TDRP: variants seen among roughly 807,000 people sequenced by gnomAD.
TDRP encodes testis development-related protein.
In TDRP, 12 loss-of-function variants were observed where a neutral mutation model predicts 10.5. The observed-to-expected ratio is 1.15, with a 90% CI of 0.73 to 1.86. TDRP has a LOEUF of 1.86. Among genes scored for constraint, TDRP ranks in the 40% most tolerant of loss-of-function variants. The pLI is 0.00. For synonymous variants in TDRP, 139 were observed against 95.4 expected (o/e 1.46, Z -2.67); for missense variants, 353 against 229.2 (o/e 1.54, Z -3.49).
intron 1 of TDRP, among the ~76,000 whole-genome samples, chr8:534,719 T>C (rs1347819423): frequency 6.6e-6 from 1 of 152,198 alleles, no homozygotes; most frequent in Non-Finnish European, 1.5e-5. Context: ...GCTCTGCAAG[T>C]TGTGGACGAC....
At chr8:511,248 A>C (rs866736234) in intron 1 of TDRP, among the ~76,000 whole-genome samples, 1 of 152,222 alleles carries the variant, frequency 6.6e-6, no homozygotes. Flanking sequence ...CACACTTTAG[A>C]ATCAAAGATA....
intron 1 of TDRP, among the ~76,000 whole-genome samples, chr8:542,294 G>A (rs1275278329): frequency 1.3e-5 from 2 of 152,154 alleles, no homozygotes; most frequent in East Asian, 3.9e-4. Context: ...AAACTCCTGT[G>A]TGTGACACTA....
intron 1 of TDRP, among the ~76,000 whole-genome samples, chr8:544,257 G>A (rs867612084): frequency 1.3e-5 from 2 of 151,954 alleles, no homozygotes; most frequent in Non-Finnish European, 2.9e-5. Context: ...CACCCGGCGT[G>A]GACCTCTGCG....
At chr8:524,866 T>C (rs1052591718) in intron 1 of TDRP, among the ~76,000 whole-genome samples, 2 of 151,872 alleles carry the variant, frequency 1.3e-5, no homozygotes, top group East Asian at 3.9e-4. Flanking sequence ...AAACAAGAAG[T>C]AGAGAACGAG....
intron 1 of TDRP, among the ~76,000 whole-genome samples, chr8:543,276 G>A (rs1802548749): frequency 6.6e-6 from 1 of 152,108 alleles, no homozygotes. Flanking sequence ...TTGCGCCACT[G>A]CACTCCAGCC....
At chr8:502,955 G>C (rs572243176) in intron 1 of TDRP, among the ~76,000 whole-genome samples, 1 of 151,618 alleles carries the variant, frequency 6.6e-6, no homozygotes, top group African/African-American at 2.4e-5. Flanking sequence ...CCACACACTG[G>C]AACCAATGCC....
chr8:526,126 T>G (rs1406657478), intron 1 of TDRP, among the ~76,000 whole-genome samples: 1 of 152,216 alleles, frequency 6.6e-6, no homozygotes, highest in African/African-American at 2.4e-5. Context: ...AGTGAGCCTT[T>G]GAATTTCTGC....
intron 1 of TDRP, among the ~76,000 whole-genome samples, chr8:527,643 C>T (rs1802068039): frequency 6.6e-6 from 1 of 152,086 alleles, no homozygotes; most frequent in African/African-American, 2.4e-5. Flanking sequence ...ATACCAAGAA[C>T]ATACATTGGG....
intron 1 of TDRP, among the ~76,000 whole-genome samples, chr8:528,877 T>TTA (rs1215127822): frequency 6.6e-6 from 1 of 152,000 alleles, no homozygotes; most frequent in African/African-American, 2.4e-5. Context: ...GGGAATTTAT[T>TTA]AAGTAGTATT....
At chr8:513,294 T>TA (rs1433339739) in intron 1 of TDRP, among the ~76,000 whole-genome samples, 4 of 151,748 alleles carry the variant, frequency 2.6e-5, no homozygotes, top group Non-Finnish European at 5.9e-5. Flanking sequence ...CCAAAAACAT[T>TA]AAAAAATGAA....
intron 1 of TDRP, among the ~76,000 whole-genome samples, chr8:512,162 A>G (rs1801636661): frequency 6.6e-6 from 1 of 152,252 alleles, no homozygotes; most frequent in East Asian, 1.9e-4. Flanking sequence ...GCAGTGGCTC[A>G]CACCTGTAAT....
Position 491,520 on chromosome 8 carries a change from G to T in TDRP, c.*879C>A. 1 of 1,217,652 alleles carries T rather than the reference G, an allele frequency of 8.2e-7. No individual in the cohort carries two copies. The highest frequency in any genetic ancestry group is 1.1e-6 in the Non-Finnish European group (1 of 895,176). The allele number at this position is 1,217,652 out of a possible 1,614,324, so 75.4% of individuals were successfully genotyped here. On this transcript the variant is annotated 3_prime_UTR_variant, in exon 3 of 3. Coordinates refer to ENST00000324079, the MANE Select transcript of TDRP (RefSeq NM_001384899.1). ...TACAGATCTAACACCAATCACAATA[G>T]GCATCTCGCTTTGCAAGAACAAACA...
rs556818591 is a variant in TDRP, at chr8:528,293, G to A, written c.108+16357C>T. On this transcript the variant is annotated intron_variant, in intron 1 of 2. Coordinates refer to ENST00000324079, the MANE Select transcript of TDRP (RefSeq NM_001384899.1). ...GTGAGGATGTGGAGAAAAGGAAACCGTTGTACACTATTGGTGGGAATGTAA... is the reference window on the plus strand; with the variant it reads ...GTGAGGATGTGGAGAAAAGGAAACCATTGTACACTATTGGTGGGAATGTAA... Among the ~76,000 whole-genome samples, 6 of 152,216 alleles carry A rather than the reference G, an allele frequency of 3.9e-5. No individual in the cohort carries two copies. The South Asian group carries it at 1.2e-3, about 32-fold the overall frequency.
In TDRP at chr8:508,723, A is replaced by AT. The variant is rs528225205; in HGVS notation, c.109-14127dup. Among the ~76,000 whole-genome samples the AT allele has an allele frequency of 1.4e-4, 21 of 152,190 alleles. No individual in the cohort carries two copies. The South Asian group carries it at 4.4e-3, about 32-fold the overall frequency. Reference sequence around the variant, plus strand: ...CCACCCCTGGCCCCTCCCAAATCTCATTTTTTTCACTTTTCAAGACACAAT... The same window carrying AT: ...CCACCCCTGGCCCCTCCCAAATCTCATTTTTTTTCACTTTTCAAGACACAAT... On this transcript the variant is annotated intron_variant, in intron 1 of 2. Transcript: ENST00000324079.
At chr8:496,910 G>A (rs1585133884) in intron 1 of TDRP, among the ~76,000 whole-genome samples, 1 of 152,168 alleles carries the variant, frequency 6.6e-6, no homozygotes, top group African/African-American at 2.4e-5. Flanking sequence ...GACATGCCTA[G>A]CTTTGCTGCC....
intron 1 of TDRP, among the ~76,000 whole-genome samples, chr8:535,021 T>A (rs963728497): frequency 1.3e-5 from 2 of 152,202 alleles, no homozygotes; most frequent in African/African-American, 2.4e-5. Flanking sequence ...GCAGCCTTGA[T>A]AAAAGGACTC....
chr8:519,555 T>C (rs1027026831), intron 1 of TDRP, among the ~76,000 whole-genome samples: 4 of 151,658 alleles, frequency 2.6e-5, no homozygotes, highest in Non-Finnish European at 5.9e-5. Context: ...AAACTCTATA[T>C]ACAGACTGAA....
chr8:531,653 G>A (rs899289562), intron 1 of TDRP, among the ~76,000 whole-genome samples: 1 of 152,134 alleles, frequency 6.6e-6, no homozygotes, highest in African/African-American at 2.4e-5. Context: ...AAAATTTCTT[G>A]GCACAACTTC....
At chr8:511,120 T>A (rs1801605653) in intron 1 of TDRP, among the ~76,000 whole-genome samples, 1 of 152,168 alleles carries the variant, frequency 6.6e-6, no homozygotes, top group Admixed American at 6.5e-5. Flanking sequence ...ATGGCAGATG[T>A]AAACCCAACC....
Sources: allele counts gnomAD v4.1 joint callset (sites outside exome capture counted in the v4.1 genomes callset), GRCh38; gene constraint gnomAD v4.1.1; transcripts MANE v1.5; gene names NCBI Gene and HGNC (gene_info 2026-07-23, HGNC 2026-07-21).